Variants in SPTAN1 observed in about 807,000 individuals in gnomAD.
SPTAN1 encodes the protein spectrin alpha, non-erythrocytic 1, also known as spectrin alpha chain, non-erythrocytic 1.
Under a neutral mutation model 331.3 loss-of-function variants are expected in SPTAN1, and 61 were observed. The ratio of observed to expected loss-of-function variants is 0.18; its 90% CI spans 0.15 to 0.23. The LOEUF (loss-of-function observed/expected upper bound fraction) is 0.23. Among genes scored for constraint, SPTAN1 ranks in the 10% least tolerant of loss-of-function variants. SPTAN1 has a pLI of 1.00. For synonymous variants in SPTAN1, 1,153 were observed against 1,173.9 expected (o/e 0.98, Z 0.36); for missense variants, 2,043 against 3,147.9 (o/e 0.65, Z 8.40).
At chr9:128,609,989 C>T (rs1255038236) in intron 37 of SPTAN1, among the ~76,000 whole-genome samples, 4 of 152,164 alleles carry the variant, frequency 2.6e-5, no homozygotes, top group Admixed American at 6.6e-5. Context: ...GGAACATCAG[C>T]TTCAGCTTTT....
At chr9:128,591,722 GC>G in intron 22 of SPTAN1, 97 bp downstream of exon 22, 1 of 1,509,868 alleles carries the variant, frequency 6.6e-7, no homozygotes, top group South Asian at 1.2e-5. Context: ...GGCTCCTGGA[GC>G]CCACCTGCAC....
At chr9:128,617,897 A>T in intron 42 of SPTAN1, 90 bp from the exon 43 acceptor site, 4 of 1,613,090 alleles carry the variant, frequency 2.5e-6, no homozygotes, top group Non-Finnish European at 3.4e-6. Context: ...AGAAGTCCCA[A>T]ACTTGATGTT....
intron 34 of SPTAN1, 123 bp downstream of exon 34, chr9:128,608,399 A>G: frequency 2.5e-6 from 3 of 1,223,824 alleles, no homozygotes; most frequent in South Asian, 1.3e-5. Context: ...AAATATGTAC[A>G]TAAATAATCT....
intron 46 of SPTAN1, 163 bp from the exon 47 acceptor site, chr9:128,624,940 C>G: frequency 1.4e-6 from 1 of 711,910 alleles, no homozygotes; most frequent in Admixed American, 2.0e-5. Context: ...GAGGCCAGGC[C>G]TGGGTGCAGG....
At chr9:128,578,081 A>G (rs374489181) in intron 8 of SPTAN1, 29 bp from the exon 9 acceptor site, 8 of 1,613,860 alleles carry the variant, frequency 5.0e-6, no homozygotes, top group Non-Finnish European at 6.8e-6. Flanking sequence ...TCCGCTGGAA[A>G]CATAATGTCT....
rs1296455628 is a variant in SPTAN1, at chr9:128,594,467, G to A, written c.3414+94G>A. Reference sequence around the variant, plus strand: ...TTTTTTTTTGAGATGGATTCTCACTGTCATCCAAGCTGGAGTGCAGTGGTA... The same window carrying A: ...TTTTTTTTTGAGATGGATTCTCACTATCATCCAAGCTGGAGTGCAGTGGTA... On this transcript the variant is annotated intron_variant, in intron 24 of 56. Coordinates refer to ENST00000372739, the MANE Select transcript of SPTAN1 (RefSeq NM_001130438.3). The A allele has an allele frequency of 6.0e-6, 7 of 1,168,962 alleles. No individual in the cohort carries two copies. In the Admixed American group the frequency reaches 1.8e-4, roughly 30 times the overall value. 72.4% of individuals were successfully genotyped at this position (1,168,962 alleles called of 1,614,324 possible).
At chr9:128,611,650 T>G (rs1287642347) in intron 37 of SPTAN1, 64 bp from the exon 38 acceptor site, 5 of 1,600,874 alleles carry the variant, frequency 3.1e-6, no homozygotes, top group Non-Finnish European at 4.3e-6. Flanking sequence ...TGAGAACCCC[T>G]TCCCCCTGAA....
In SPTAN1 at chr9:128,584,404, C is replaced by G. The variant is rs2131162953; in HGVS notation, c.2316C>G (p.Pro772=). ...CTCGCTATGAGGCACTCAAGGAGCC[C>G]ATGGTTGCCCGGAAGCAGAAGCTGG... ...LVARYEALKE[P]MVARKQKLAD... is the part of the protein sequence containing the mutation. Residue 772 remains proline, a synonymous_variant, in exon 17 of 57, where the codon CCC becomes CCG. Coordinates refer to ENST00000372739, the MANE Select transcript of SPTAN1 (RefSeq NM_001130438.3). The G allele has an allele frequency of 6.2e-7, 1 of 1,614,134 alleles. No individual in the cohort carries two copies. The highest frequency in any genetic ancestry group is 8.5e-7 in the Non-Finnish European group (1 of 1,180,020).
At chr9:128,589,717 AGGTGCCTGCCACCACGCCC>A (rs1047163877) in intron 21 of SPTAN1, among the ~76,000 whole-genome samples, 3 of 151,606 alleles carry the variant, frequency 2.0e-5, no homozygotes, top group Non-Finnish European at 2.9e-5. Flanking sequence ...CTGGGACTAC[AGGTGCCTGCCACCACGCCC>A]GGCTAATTTT....
chr9:128,617,504 T>C, intron 41 of SPTAN1, 136 bp from the exon 42 acceptor site: 1 of 1,301,930 alleles, frequency 7.7e-7, no homozygotes, highest in Non-Finnish European at 1.1e-6. Context: ...TAGAGGCTTT[T>C]GTTGTTCAGA....
chr9:128,610,614 G>C (rs375663540), intron 37 of SPTAN1, among the ~76,000 whole-genome samples: 1 of 151,896 alleles, frequency 6.6e-6, no homozygotes, highest in Non-Finnish European at 1.5e-5. Flanking sequence ...TTCTTACCCA[G>C]CCAATTGTTT....
chr9:128,583,727 G>A (rs1852226809), intron 15 of SPTAN1, 61 bp from the exon 16 acceptor site: 12 of 1,556,660 alleles, frequency 7.7e-6, no homozygotes, highest in Non-Finnish European at 8.0e-6. Flanking sequence ...ACTGTTCATG[G>A]GCAGTGTTGG....
intron 36 of SPTAN1, 101 bp from the exon 37 acceptor site, chr9:128,609,550 C>T: frequency 9.3e-7 from 1 of 1,070,262 alleles, no homozygotes; most frequent in Non-Finnish European, 1.4e-6. Context: ...AAATGCTGAG[C>T]TTCCTGGGGG....
At chr9:128,630,598 T>C in intron 52 of SPTAN1, 1 of 497,310 alleles carries the variant, frequency 2.0e-6, no homozygotes, top group Non-Finnish European at 3.6e-6. Context: ...GGTGCGATAT[T>C]GGCTCACTGC....
intron 1 of SPTAN1, among the ~76,000 whole-genome samples, chr9:128,557,674 CA>C (rs1848797515): frequency 6.6e-6 from 1 of 151,768 alleles, no homozygotes; most frequent in Non-Finnish European, 1.5e-5. Context: ...ATCAATAAGA[CA>C]AAGATATTCA....
chr9:128,624,378 GAA>G lies in SPTAN1; in HGVS notation c.5885_5886del (p.Lys1962SerfsTer17). 1 of 1,614,016 alleles carries G rather than the reference GAA, an allele frequency of 6.2e-7. No individual in the cohort carries two copies. The highest frequency in any genetic ancestry group is 8.5e-7 in the Non-Finnish European group (1 of 1,180,018). ...CTTCAAAGATGAAGGGCCTGAACGG[GAA>G]AGTGTCAGACCTGGAGAAAGCTGCA... ...ISSKMKGLNG[K>X]VSDLEKAAAQ... On this transcript the variant is annotated frameshift_variant, in exon 46 of 57. Transcript: ENST00000372739. LOFTEE classifies it high-confidence loss of function.
chr9:128,568,415 G>A (rs529441302), intron 2 of SPTAN1, among the ~76,000 whole-genome samples: 1 of 152,312 alleles, frequency 6.6e-6, no homozygotes, highest in South Asian at 2.1e-4. Flanking sequence ...AAAACTGTTG[G>A]TATGGTTCTG....
At chr9:128,623,777 A>G (rs901898116) in intron 45 of SPTAN1, among the ~76,000 whole-genome samples, 5 of 151,608 alleles carry the variant, frequency 3.3e-5, no homozygotes, top group African/African-American at 9.7e-5. Context: ...CCTGGCCCAT[A>G]TTTCTTTAGA....
intron 51 of SPTAN1, chr9:128,628,621 T>G: frequency 5.1e-6 from 1 of 194,984 alleles, no homozygotes; most frequent in Non-Finnish European, 1.1e-5. Context: ...CGGGTCACCT[T>G]TGTAATCTGC....
Sources: gnomAD v4.1 joint callset for allele counts (sites outside exome capture counted in the v4.1 genomes callset) on GRCh38, gnomAD v4.1.1 for gene constraint, MANE v1.5 for transcripts, NCBI Gene and HGNC (gene_info 2026-07-23, HGNC 2026-07-21) for gene names.